The following STK32B variants were observed in gnomAD, a reference collection of about 807,000 sequenced individuals.
STK32B encodes the protein serine/threonine kinase 32B, also known as serine/threonine-protein kinase 32B.
In STK32B, 43 loss-of-function variants were observed where a neutral mutation model predicts 52.6. The observed-to-expected ratio is 0.82, with a 90% CI of 0.64 to 1.05. STK32B has a LOEUF of 1.05. Among genes scored for constraint, STK32B ranks in the 50% least tolerant of loss-of-function variants. The probability of loss-of-function intolerance (pLI) is 0.00; values close to 1 mark genes in which losing one functional copy is unlikely to be tolerated. For synonymous variants in STK32B, 238 were observed against 204.3 expected, an observed-to-expected ratio of 1.17 and a Z score of -1.41; for missense variants, 621 against 534.6, an observed-to-expected ratio of 1.16 and a Z score of -1.59.
chr4:5,437,913 T>A (rs1031828652), intron 6 of STK32B: 2 of 985,376 alleles, frequency 2.0e-6, no homozygotes, highest in African/African-American at 1.7e-5. Context: ...ATCAATATTG[T>A]TGTGTTCTAC....
At chr4:5,290,934 A>C (rs1014241205) in intron 3 of STK32B, among the ~76,000 whole-genome samples, 1 of 152,166 alleles carries the variant, frequency 6.6e-6, no homozygotes, top group African/African-American at 2.4e-5. Context: ...CATAATAACC[A>C]AAATAATCTA....
At chr4:5,472,983 C>T (rs1717956497) in intron 11 of STK32B, among the ~76,000 whole-genome samples, 2 of 152,082 alleles carry the variant, frequency 1.3e-5, no homozygotes, top group African/African-American at 4.8e-5. Context: ...CAGTGACAAT[C>T]AAAAATGTCT....
chr4:5,280,892 C>G (rs1387058965), intron 3 of STK32B, among the ~76,000 whole-genome samples: 1 of 151,856 alleles, frequency 6.6e-6, no homozygotes, highest in African/African-American at 2.4e-5. Context: ...GAGTGAGACT[C>G]CATCTCAAAA....
At chr4:5,185,037 C>T (rs1720641116) in intron 3 of STK32B, among the ~76,000 whole-genome samples, 1 of 152,230 alleles carries the variant, frequency 6.6e-6, no homozygotes, top group Admixed American at 6.5e-5. Flanking sequence ...CTCTCCTTCT[C>T]CTCCAGCGTC....
At position 5,127,803 on chromosome 4, in the gene STK32B, C is replaced by T. The variant is rs146224344; in HGVS notation, c.53-12102C>T. 1.9e-3 allele frequency among the ~76,000 whole-genome samples: 292 copies of T among 152,238 alleles called. 1 individual carries two copies. Among genetic ancestry groups the T allele is most frequent in the African/African-American group, 6.3e-3 (262 of 41,534 alleles). ...TGAATTATAGCTCCCATACTTCCCA[C>T]GTGTCGTGGTAGGGACCTCGTGGGA... On this transcript the variant is annotated intron_variant, in intron 1 of 11. Transcript: ENST00000282908.
chr4:5,223,810 C>T (rs1450178619), intron 3 of STK32B, among the ~76,000 whole-genome samples: 2 of 129,210 alleles, frequency 1.5e-5, no homozygotes, highest in East Asian at 2.2e-4. Context: ...GAGCAAGACT[C>T]CGTTTCAAAA....
intron 3 of STK32B, among the ~76,000 whole-genome samples, chr4:5,228,162 A>T (rs904369994): frequency 9.8e-5 from 15 of 152,330 alleles, no homozygotes; most frequent in African/African-American, 3.6e-4. Flanking sequence ...AGATATTCAC[A>T]TAAAAGGTCA....
intron 7 of STK32B, among the ~76,000 whole-genome samples, chr4:5,454,426 C>G (rs1054853347): frequency 6.6e-6 from 1 of 152,046 alleles, no homozygotes; most frequent in Non-Finnish European, 1.5e-5. Flanking sequence ...TTGTTCACAT[C>G]GTCTTTCCTC....
chr4:5,130,660 C>T (rs1029488694), intron 1 of STK32B, among the ~76,000 whole-genome samples: 3 of 152,038 alleles, frequency 2.0e-5, no homozygotes, highest in Non-Finnish European at 2.9e-5. Flanking sequence ...CATTGGAGAG[C>T]AACTTGGTAA....
At chr4:5,266,001 T>A (rs769730212) in intron 3 of STK32B, among the ~76,000 whole-genome samples, 17 of 152,202 alleles carry the variant, frequency 1.1e-4, no homozygotes, top group Non-Finnish European at 1.8e-4. Context: ...TTTCACTTAT[T>A]TTGTTTCAGT....
chr4:5,460,744 G>A lies in STK32B; in HGVS notation c.909+516G>A, dbSNP rs137937586. Among the ~76,000 whole-genome samples, 374 of 152,274 alleles carry A rather than the reference G, an allele frequency of 2.5e-3. No individual in the cohort carries two copies. Among genetic ancestry groups the A allele is most frequent in the African/African-American group, 8.1e-3 (337 of 41,556 alleles). On this transcript the variant is annotated intron_variant, in intron 9 of 11. Coordinates refer to ENST00000282908, the MANE Select transcript of STK32B (RefSeq NM_018401.3). The surrounding 1 kb of genome is among the most constrained non-coding windows in gnomAD (Gnocchi z 4.8). ...ACTGAGCCTTCCAGGCAAAGGGATCGACAAGATCACACTCTTGAAGGCAGC... is the reference window on the plus strand; with the variant it reads ...ACTGAGCCTTCCAGGCAAAGGGATCAACAAGATCACACTCTTGAAGGCAGC...
Position 5,245,342 on chromosome 4 carries a change from T to G in STK32B, c.260+76892T>G, listed in dbSNP as rs187964219. 3.1e-3 allele frequency among the ~76,000 whole-genome samples: 468 copies of G among 152,326 alleles called. 6 individuals are homozygous for G. Among genetic ancestry groups the G allele is most frequent in the Admixed American group, 0.016 (252 of 15,298 alleles). ...CTTTACCATTATGTAATGGCCTTCT[T>G]TGTCTCTTTTGATCTTGGTTGGTTT... On this transcript the variant is annotated intron_variant, in intron 3 of 11. Transcript: ENST00000282908.
In STK32B at chr4:5,161,887, C is replaced by T. The variant is rs898768668; in HGVS notation, c.109-6412C>T. Among the ~76,000 whole-genome samples the T allele has an allele frequency of 4.6e-5, 7 of 151,624 alleles. No individual in the cohort carries two copies. The Admixed American group carries it at 4.6e-4, about 10-fold the overall frequency. On this transcript the variant is annotated intron_variant, in intron 2 of 11. Coordinates refer to ENST00000282908, the MANE Select transcript of STK32B (RefSeq NM_018401.3). ...TTTCCCAGAATCTTGCCCCTGCAAGCATAACCAGCATCTTTTAATGTCACA... is the reference window on the plus strand; with the variant it reads ...TTTCCCAGAATCTTGCCCCTGCAAGTATAACCAGCATCTTTTAATGTCACA...
At position 5,398,597 on chromosome 4, in the gene STK32B, A is replaced by C. The variant is rs1490832922; in HGVS notation, c.472+353A>C. Among the ~76,000 whole-genome samples, 1 of 152,084 alleles carries C rather than the reference A, an allele frequency of 6.6e-6. No individual in the cohort carries two copies. Among genetic ancestry groups the C allele is most frequent in the Non-Finnish European group, 1.5e-5 (1 of 68,022 alleles). ...CACCCACCTCTCTGAGCCTCAGTGT[A>C]ATTTTCTGTAAACTGGGGAGAAGGC... On this transcript the variant is annotated intron_variant, in intron 5 of 11. Transcript: ENST00000282908. This position sits in a 1 kb window ranked among gnomAD's most constrained non-coding sequence, Gnocchi z 4.9.
intron 3 of STK32B, among the ~76,000 whole-genome samples, chr4:5,229,584 G>A (rs951215187): frequency 2.0e-5 from 3 of 152,094 alleles, no homozygotes; most frequent in Non-Finnish European, 4.4e-5. Context: ...TTTGGGCTGA[G>A]GAAGCACGTA....
At chr4:5,200,899 TC>T (rs915165902) in intron 3 of STK32B, among the ~76,000 whole-genome samples, 4 of 152,264 alleles carry the variant, frequency 2.6e-5, no homozygotes, top group African/African-American at 4.8e-5. Flanking sequence ...CCCAGATGGT[TC>T]CATGATGTAG....
At chr4:5,154,550 A>C (rs1465274255) in intron 2 of STK32B, among the ~76,000 whole-genome samples, 3 of 152,056 alleles carry the variant, frequency 2.0e-5, no homozygotes, top group African/African-American at 7.2e-5. Context: ...CATGGCTAGG[A>C]TTTTACTTGG....
intron 1 of STK32B, among the ~76,000 whole-genome samples, chr4:5,131,854 A>G (rs1223169880): frequency 6.6e-6 from 1 of 152,248 alleles, no homozygotes; most frequent in African/African-American, 2.4e-5. Context: ...TGTAGAAGGA[A>G]GAATAACTGC....
chr4:5,407,724 A>T (rs195116), intron 5 of STK32B, among the ~76,000 whole-genome samples: 120,675 of 151,940 alleles, frequency 0.79, 48,113 homozygotes, highest in Middle Eastern at 0.92. Context: ...ACTAGTACAA[A>T]AACAGCAAGG....
Sources: gnomAD v4.1 joint callset for allele counts (sites outside exome capture counted in the v4.1 genomes callset) on GRCh38, gnomAD v4.1.1 for gene constraint, Gnocchi (gnomAD v3.1) non-coding constraint, MANE v1.5 for transcripts, NCBI Gene and HGNC (gene_info 2026-07-23, HGNC 2026-07-21) for gene names.